The following CAMLG variants were observed in gnomAD, a reference collection of about 807,000 sequenced individuals.
The protein encoded by CAMLG is calcium modulating ligand, also known as guided entry of tail-anchored proteins factor CAMLG.
A neutral mutation model predicts 28.9 loss-of-function variants in CAMLG; 23 were observed. That is an observed-to-expected ratio of 0.80 (90% CI 0.57 to 1.13). CAMLG has a LOEUF of 1.13. CAMLG is among the 50% of genes most tolerant of loss of function. CAMLG has a pLI of 0.00. For missense variants in CAMLG, 367 were observed against 371.9 expected (o/e 0.99, Z 0.11); for synonymous variants, 141 against 146.5 (o/e 0.96, Z 0.27).
rs1167551498 is a variant in CAMLG, at chr5:134,741,313, G to A, written c.423G>A (p.Ala141=). 17 of 1,614,032 alleles carry A rather than the reference G, an allele frequency of 1.1e-5. No individual in the cohort carries two copies. The East Asian group carries it at 1.8e-4, about 17-fold the overall frequency. ...LRQRNRGDLT[A]DSVQRGSRHG... is the part of the protein sequence containing the mutation. The stretch of plus-strand genomic sequence containing the variant: ...AGCGGAACAGAGGGGACCTGACAGC[G>A]GACTCGGTCCAGAGGGGTTCCCGCC... The change falls in exon 2 of 4, where the codon GCG becomes GCA. Residue 141 remains alanine, a synonymous_variant. Coordinates refer to ENST00000297156, the MANE Select transcript of CAMLG (RefSeq NM_001745.4).
rs1752981586 is a variant in CAMLG at position 134,741,383 on chromosome 5, C to T, written c.493C>T (p.Leu165=). The change falls in exon 2 of 4, where the codon CTA becomes TTA. Residue 165 remains leucine (L), a synonymous_variant. Transcript: ENST00000297156. ...TTCCAGATTCGAAGAAGCAATGAAG[C>T]TAAGGAAACAGCTGATTAGTGAAAA... ...YLSRFEEAMK[L]RKQLISEKPS... 6.2e-7 allele frequency: 1 copy of T among 1,614,176 alleles called. No individual in the cohort carries two copies. The highest frequency in any genetic ancestry group is 8.5e-7 in the Non-Finnish European group (1 of 1,180,020).
Position 134,750,919 on chromosome 5 carries a change from T to A in CAMLG, c.860T>A (p.Leu287Gln). 1 of 1,613,658 alleles carries A rather than the reference T, an allele frequency of 6.2e-7. No individual in the cohort carries two copies. The highest frequency in any genetic ancestry group is 8.5e-7 in the Non-Finnish European group (1 of 1,179,830). Residue 287 changes from leucine (L) to glutamine (Q), a missense_variant, in exon 4 of 4, where the codon CTG becomes CAG. By Grantham distance (113) the Leu-to-Gln change is moderately radical (BLOSUM62 -2). Transcript: ENST00000297156. The part of the protein sequence containing the change: ...YFFTFIFCHE[L>Q]LDYWGSEVP ...TTCACTTTTATCTTTTGTCATGAAC[T>A]GCTTGATTATTGGGGCTCTGAAGTA...
chr5:134,750,937 C>T lies in CAMLG; in HGVS notation c.878C>T (p.Ser293Phe). The change falls in exon 4 of 4, where the codon TCT (serine) becomes TTT (phenylalanine). Residue 293 changes from serine (S) to phenylalanine (F), a missense_variant. Physicochemically the swap from Ser to Phe is radical, Grantham distance 155 (BLOSUM62 -2). Coordinates refer to ENST00000297156, the MANE Select transcript of CAMLG (RefSeq NM_001745.4). The part of the protein sequence containing the change: ...FCHELLDYWG[S>F]EVP ...CATGAACTGCTTGATTATTGGGGCT[C>T]TGAAGTACCATGAAGCCTGTAGAAC... 6.2e-7 allele frequency: 1 copy of T among 1,611,630 alleles called. No homozygotes were observed. Among genetic ancestry groups the T allele is most frequent in the African/African-American group, 1.3e-5 (1 of 74,566 alleles).
At chr5:134,746,290 A>C (rs575050865) in intron 3 of CAMLG, among the ~76,000 whole-genome samples, 1 of 152,160 alleles carries the variant, frequency 6.6e-6, no homozygotes, top group Non-Finnish European at 1.5e-5. Flanking sequence ...TTCTTTTTGA[A>C]AAGAAAAAAT....
At chr5:134,747,493 G>A (rs917840111) in intron 3 of CAMLG, among the ~76,000 whole-genome samples, 1 of 151,986 alleles carries the variant, frequency 6.6e-6, no homozygotes, top group Non-Finnish European at 1.5e-5. Context: ...ACAGGCGCCC[G>A]CCATCACGGC....
chr5:134,741,206 A>G lies in CAMLG; in HGVS notation c.316A>G (p.Lys106Glu). Residue 106 changes from lysine to glutamate, a missense_variant, in exon 2 of 4, where the codon AAG (lysine) becomes GAG (glutamate). Lys to Glu is a moderately conservative substitution (Grantham distance 56). Coordinates refer to ENST00000297156, the MANE Select transcript of CAMLG (RefSeq NM_001745.4). ...TDQQGGVAEV[K>E]GTQLGDKLDS... The stretch of plus-strand genomic sequence containing the variant: ...CCAGCAGGGTGGTGTGGCCGAGGTA[A>G]AGGGGACCCAACTGGGAGACAAATT... The G allele has an allele frequency of 6.2e-7, 1 of 1,614,180 alleles. No individual in the cohort carries two copies. Among genetic ancestry groups the G allele is most frequent in the Non-Finnish European group, 8.5e-7 (1 of 1,180,024 alleles).
chr5:134,747,437 G>A (rs183932945), intron 3 of CAMLG, among the ~76,000 whole-genome samples: 139 of 150,912 alleles, frequency 9.2e-4, no homozygotes, highest in African/African-American at 3.3e-3. Flanking sequence ...TCCGCCTTCC[G>A]GGTTCACACC....
At position 134,741,061 on chromosome 5, in the gene CAMLG, A is replaced by G. The variant is rs770796396; in HGVS notation, c.173-2A>G. 2 of 1,600,362 alleles carry G rather than the reference A, an allele frequency of 1.2e-6. No homozygotes were observed. Among genetic ancestry groups the G allele is most frequent in the Non-Finnish European group, 1.7e-6 (2 of 1,168,054 alleles). On this transcript the variant is annotated splice_acceptor_variant, in intron 1 of 3. Transcript: ENST00000297156. LOFTEE classifies it high-confidence loss of function. Reference sequence around the variant, plus strand: ...ATAAGGCTTTTACATTTCTTTTCTCAGAAGAAGAAAGTCAAACAAAATCAA... The same window carrying G: ...ATAAGGCTTTTACATTTCTTTTCTCGGAAGAAGAAAGTCAAACAAAATCAA...
chr5:134,743,374 ATATTT>A (rs1233835749), intron 2 of CAMLG, among the ~76,000 whole-genome samples: 7 of 151,870 alleles, frequency 4.6e-5, no homozygotes, highest in African/African-American at 1.5e-4. Flanking sequence ...CTTGAGAAAC[ATATTT>A]TATGTTAGGA....
At chr5:134,740,582 A>G (rs1008292397) in intron 1 of CAMLG, among the ~76,000 whole-genome samples, 1 of 152,024 alleles carries the variant, frequency 6.6e-6, no homozygotes, top group Non-Finnish European at 1.5e-5. Context: ...GGTGTAGAGG[A>G]AGAATCCAGC....
chr5:134,738,674 G>A lies in CAMLG; in HGVS notation c.54G>A (p.Ala18=), dbSNP rs1752947413. The change falls in exon 1 of 4, where the codon GCG becomes GCA. Residue 18 remains alanine, a synonymous_variant. Transcript: ENST00000297156. ...GCGGGGAGAGGCCGGGGGTCCCAGCGGGCTCAGGTCTGTCGGCTTCCCAGC... is the reference window on the plus strand; with the variant it reads ...GCGGGGAGAGGCCGGGGGTCCCAGCAGGCTCAGGTCTGTCGGCTTCCCAGC... The part of the protein sequence containing the change: ...TDGGERPGVP[A]GSGLSASQRR... The A allele has an allele frequency of 6.2e-7, 1 of 1,613,760 alleles. No individual in the cohort carries two copies. The highest frequency in any genetic ancestry group is 1.7e-5 in the Admixed American group (1 of 59,970).
At chr5:134,744,310 G>T (rs1402442568) in intron 3 of CAMLG, among the ~76,000 whole-genome samples, 1 of 152,010 alleles carries the variant, frequency 6.6e-6, no homozygotes, top group African/African-American at 2.4e-5. Flanking sequence ...GATCACCTGA[G>T]GTCAGGAGTT....
chr5:134,739,904 CT>C (rs1752962966), intron 1 of CAMLG, among the ~76,000 whole-genome samples: 3 of 152,252 alleles, frequency 2.0e-5, no homozygotes, highest in Admixed American at 1.3e-4. Context: ...GAGACAGGGT[CT>C]CCCTCTGTAG....
intron 1 of CAMLG, among the ~76,000 whole-genome samples, chr5:134,740,225 C>G (rs1403168807): frequency 6.6e-6 from 1 of 152,028 alleles, no homozygotes; most frequent in Non-Finnish European, 1.5e-5. Context: ...AACAAAACCC[C>G]AGAGTAGTGT....
At position 134,752,091 on chromosome 5, in the gene CAMLG, C is replaced by A. The variant is rs954799652; in HGVS notation, c.*1141C>A. The stretch of plus-strand genomic sequence containing the variant: ...TGTCACTTGGTGTTACATTTCCTTA[C>A]AGATTTTTGTATAGTCTAATTTGGT... On this transcript the variant is annotated 3_prime_UTR_variant, in exon 4 of 4. Coordinates refer to ENST00000297156, the MANE Select transcript of CAMLG (RefSeq NM_001745.4). The A allele has an allele frequency of 6.6e-6, 1 of 152,172 alleles. No individual in the cohort carries two copies. Among genetic ancestry groups the A allele is most frequent in the African/African-American group, 2.4e-5 (1 of 41,434 alleles). 9.4% of individuals were successfully genotyped at this position (152,172 alleles called of 1,614,324 possible).
intron 3 of CAMLG, among the ~76,000 whole-genome samples, chr5:134,746,377 GTGT>G (rs1753049820): frequency 6.6e-6 from 1 of 152,148 alleles, no homozygotes; most frequent in Non-Finnish European, 1.5e-5. Flanking sequence ...CAATACTTAT[GTGT>G]GTGATAGAGA....
At chr5:134,744,082 G>A (rs776840511) in intron 3 of CAMLG, 30 bp downstream of exon 3, 2 of 957,924 alleles carry the variant, frequency 2.1e-6, no homozygotes, top group Non-Finnish European at 3.3e-6. Flanking sequence ...AAATTTCGAT[G>A]ATGTGTTTGG....
At chr5:134,745,112 C>G (rs1753030234) in intron 3 of CAMLG, among the ~76,000 whole-genome samples, 1 of 152,212 alleles carries the variant, frequency 6.6e-6, no homozygotes, top group South Asian at 2.1e-4. Context: ...GAGTAAATAA[C>G]ATTGTAATTT....
intron 3 of CAMLG, among the ~76,000 whole-genome samples, chr5:134,748,410 T>C (rs996749106): frequency 7.2e-5 from 11 of 152,040 alleles, no homozygotes; most frequent in African/African-American, 2.4e-4. Context: ...TGATGGTGGG[T>C]ACCTATAATC....
Sources: allele counts gnomAD v4.1 joint callset (sites outside exome capture counted in the v4.1 genomes callset), GRCh38; gene constraint gnomAD v4.1.1; transcripts MANE v1.5; gene names NCBI Gene and HGNC (gene_info 2026-07-23, HGNC 2026-07-21).